Variants in UBE2H observed in about 807,000 individuals in gnomAD.
The protein encoded by UBE2H is ubiquitin-conjugating enzyme E2 H.
Under a neutral mutation model 29.0 loss-of-function variants are expected in UBE2H, and 3 were observed. That is an observed-to-expected ratio of 0.10 (90% confidence interval 0.05 to 0.27). The LOEUF (loss-of-function observed/expected upper bound fraction) is 0.27, where lower values mean the gene tolerates loss of function less well. Among genes scored for constraint, UBE2H ranks in the 10% least tolerant of loss-of-function variants. The pLI is 1.00. For missense variants in UBE2H, 68 were observed against 228.2 expected, an observed-to-expected ratio of 0.30 and a Z score of 4.52; for synonymous variants, 69 against 82.9, an observed-to-expected ratio of 0.83 and a Z score of 0.91.
chr7:129,944,398 G>A (rs1057391029), intron 1 of UBE2H, among the ~76,000 whole-genome samples: 2 of 152,032 alleles, frequency 1.3e-5, no homozygotes, highest in South Asian at 2.1e-4. Context: ...TGAAACAACC[G>A]TTGTCACAAT....
At position 129,937,015 on chromosome 7, in the gene UBE2H, A is replaced by C. The variant is rs75021168; in HGVS notation, c.53+15488T>G. Among the ~76,000 whole-genome samples the C allele has an allele frequency of 4.2e-4, 63 of 151,636 alleles. 1 individual carries two copies. Among genetic ancestry groups the C allele is most frequent in the African/African-American group, 1.5e-3 (62 of 41,340 alleles). ...CAAACAAACAACAACAACAAAAAAA[A>C]CACACAGACTTGAAAACATACAATT... On this transcript the variant is annotated intron_variant, in intron 1 of 6. Transcript: ENST00000355621.
chr7:129,884,434 A>AT lies in UBE2H; in HGVS notation c.54-3464dup, dbSNP rs1413627445. Among the ~76,000 whole-genome samples, 68 of 151,614 alleles carry AT rather than the reference A, an allele frequency of 4.5e-4. 2 individuals are homozygous for AT. Among genetic ancestry groups the AT allele is most frequent in the Middle Eastern group, 6.8e-3 (2 of 294 alleles). ...TCCATCTCAAAAAAAAAAAAAAAAAATTTCTCTACTTTTTGTATATATGTT... is the reference window on the plus strand; with the variant it reads ...TCCATCTCAAAAAAAAAAAAAAAAAATTTTCTCTACTTTTTGTATATATGTT... On this transcript the variant is annotated intron_variant, in intron 1 of 6. Coordinates refer to ENST00000355621, the MANE Select transcript of UBE2H (RefSeq NM_003344.4).
intron 1 of UBE2H, among the ~76,000 whole-genome samples, chr7:129,935,596 A>G (rs1047865847): frequency 1.3e-5 from 2 of 152,172 alleles, no homozygotes; most frequent in African/African-American, 2.4e-5. Flanking sequence ...ACCTTAAGAA[A>G]AGATGCAATG....
intron 5 of UBE2H, among the ~76,000 whole-genome samples, chr7:129,856,289 A>C (rs1401559523): frequency 1.3e-5 from 2 of 152,190 alleles, no homozygotes; most frequent in Non-Finnish European, 2.9e-5. Context: ...ATCCCTGGTT[A>C]AGCTCAGCCT....
intron 5 of UBE2H, among the ~76,000 whole-genome samples, chr7:129,855,111 A>G (rs971612623): frequency 2.6e-5 from 4 of 152,218 alleles, no homozygotes; most frequent in African/African-American, 9.6e-5. Context: ...ATATAACTGA[A>G]TGTATTAAAA....
intron 1 of UBE2H, among the ~76,000 whole-genome samples, chr7:129,902,375 G>C (rs762997017): frequency 1.3e-5 from 2 of 152,292 alleles, no homozygotes; most frequent in South Asian, 2.1e-4. Context: ...GTGGCAGGCA[G>C]CTGCAATCCT....
At chr7:129,849,163 GCAAA>G (rs3043701) in intron 5 of UBE2H, among the ~76,000 whole-genome samples, 95,980 of 151,472 alleles carry the variant, frequency 0.63, 31,406 homozygotes, top group East Asian at 0.88. Context: ...AAAAAAACTT[GCAAA>G]CAGAGGGCCC....
chr7:129,843,382 T>A (rs920155175), intron 5 of UBE2H, among the ~76,000 whole-genome samples: 2 of 152,148 alleles, frequency 1.3e-5, no homozygotes, highest in Non-Finnish European at 2.9e-5. Context: ...ATGGTCTGCA[T>A]ATACACTCTT....
chr7:129,843,121 C>T (rs1369036071), intron 5 of UBE2H, among the ~76,000 whole-genome samples: 1 of 150,782 alleles, frequency 6.6e-6, no homozygotes, highest in African/African-American at 2.4e-5. Flanking sequence ...GCCTCAGTCT[C>T]CCCAGCAGCT....
chr7:129,875,693 T>A (rs1028775735), intron 3 of UBE2H, among the ~76,000 whole-genome samples: 7 of 152,218 alleles, frequency 4.6e-5, no homozygotes, highest in African/African-American at 7.2e-5. Context: ...TATTTTTTTT[T>A]ATTAAAAATT....
chr7:129,952,578 C>T lies in UBE2H; in HGVS notation c.-23G>A, dbSNP rs1243845526. Reference sequence around the variant, plus strand: ...CATGGTGTCGCCGCCGCCTCTCTCCCTTCCTCGGCCCGTCTGTCACGGGCC... The same window carrying T: ...CATGGTGTCGCCGCCGCCTCTCTCCTTTCCTCGGCCCGTCTGTCACGGGCC... On this transcript the variant is annotated 5_prime_UTR_variant, in exon 1 of 7. Coordinates refer to ENST00000355621, the MANE Select transcript of UBE2H (RefSeq NM_003344.4). The T allele has an allele frequency of 1.9e-6, 3 of 1,608,770 alleles. No homozygotes were observed. Among genetic ancestry groups the T allele is most frequent in the Non-Finnish European group, 1.7e-6 (2 of 1,178,240 alleles).
chr7:129,864,991 T>C (rs1488492552), intron 3 of UBE2H: 1 of 402,764 alleles, frequency 2.5e-6, no homozygotes. Context: ...ACAACAGGAA[T>C]AAATGTCCAG....
At position 129,872,845 on chromosome 7, in the gene UBE2H, CAAAAAAAAAAAA is replaced by C. The variant is rs34001143; in HGVS notation, c.205+6711_205+6722del. ...TAGGTGACAGAGCAACACTCCGTCTCAAAAAAAAAAAAAAAAAAAAAAAAAAAGAATTATGGC... is the reference window on the plus strand; with the variant it reads ...TAGGTGACAGAGCAACACTCCGTCTCAAAAAAAAAAAAAAAGAATTATGGC... On this transcript the variant is annotated intron_variant, in intron 3 of 6. Coordinates refer to ENST00000355621, the MANE Select transcript of UBE2H (RefSeq NM_003344.4). Among the ~76,000 whole-genome samples the C allele has an allele frequency of 1.9e-4, 14 of 72,004 alleles. No individual in the cohort carries two copies. The South Asian group carries it at 6.6e-3, about 34-fold the overall frequency. The allele number at this position is 72,004 out of a possible 152,430, so 47.2% of individuals were successfully genotyped here.
rs546107111 is a variant in UBE2H at position 129,901,494 on chromosome 7, C to A, written c.54-20523G>T. On this transcript the variant is annotated intron_variant, in intron 1 of 6. Coordinates refer to ENST00000355621, the MANE Select transcript of UBE2H (RefSeq NM_003344.4). ...CAGGTAAGTACTGATAGGCAGTAGA[C>A]TGGCTGGAGGGGAAGCCACATTTCA... Among the ~76,000 whole-genome samples the A allele has an allele frequency of 5.9e-5, 9 of 152,324 alleles. No individual in the cohort carries two copies. In the East Asian group the frequency reaches 1.7e-3, roughly 29 times the overall value.
chr7:129,952,722 C>T lies in UBE2H; in HGVS notation c.-167G>A, dbSNP rs1807908530. ...CGCCGCCCCCCGCACGGGGGAACACCGGGCACTGTCCGGCCGGGTGGGGGT... is the reference window on the plus strand; with the variant it reads ...CGCCGCCCCCCGCACGGGGGAACACTGGGCACTGTCCGGCCGGGTGGGGGT... On this transcript the variant is annotated 5_prime_UTR_variant, in exon 1 of 7. Coordinates refer to ENST00000355621, the MANE Select transcript of UBE2H (RefSeq NM_003344.4). 6 of 684,604 alleles carry T rather than the reference C, an allele frequency of 8.8e-6. No homozygotes were observed. Among genetic ancestry groups the T allele is most frequent in the Non-Finnish European group, 1.3e-5 (6 of 473,470 alleles). The allele number at this position is 684,604 out of a possible 1,614,324, so 42.4% of individuals were successfully genotyped here.
intron 1 of UBE2H, among the ~76,000 whole-genome samples, chr7:129,913,979 A>T (rs1806992789): frequency 6.6e-6 from 1 of 152,154 alleles, no homozygotes; most frequent in Admixed American, 6.5e-5. Context: ...TAGGAAACAC[A>T]TATCTGCTTG....
intron 1 of UBE2H, among the ~76,000 whole-genome samples, chr7:129,890,252 CATACACACGTATAT>C (rs1275310941): frequency 1.3e-4 from 19 of 146,982 alleles, no homozygotes; most frequent in East Asian, 2.0e-4. Flanking sequence ...CACACGTATA[CATACACACGTATAT>C]ATACACACGT....
At chr7:129,926,307 C>T (rs1807268940) in intron 1 of UBE2H, among the ~76,000 whole-genome samples, 1 of 151,548 alleles carries the variant, frequency 6.6e-6, no homozygotes, top group Non-Finnish European at 1.5e-5. Context: ...GTCAGGAGTT[C>T]GAGACCAGCC....
At chr7:129,918,416 C>CA (rs985047120) in intron 1 of UBE2H, among the ~76,000 whole-genome samples, 5 of 150,314 alleles carry the variant, frequency 3.3e-5, no homozygotes, top group Non-Finnish European at 7.4e-5. Flanking sequence ...TGGAGTGCAG[C>CA]AACACAATCA....
Sources: gnomAD v4.1 joint callset for allele counts (sites outside exome capture counted in the v4.1 genomes callset) on GRCh38, gnomAD v4.1.1 for gene constraint, MANE v1.5 for transcripts, NCBI Gene and HGNC (gene_info 2026-07-23, HGNC 2026-07-21) for gene names.